P2RX6: variants seen among roughly 807,000 people sequenced by gnomAD.
P2RX6 encodes the protein purinergic receptor P2X 6.
In P2RX6, 62 loss-of-function variants were observed where a neutral mutation model predicts 54.2. The ratio of observed to expected loss-of-function variants is 1.14; its 90% CI spans 0.93 to 1.41. P2RX6 has a LOEUF of 1.41. Among genes scored for constraint, P2RX6 ranks in the 40% most tolerant of loss-of-function variants. The probability of loss-of-function intolerance (pLI) is 0.00; values close to 1 mark genes in which losing one functional copy is unlikely to be tolerated. For missense variants in P2RX6, 541 were observed against 566.3 expected (o/e 0.96, Z 0.45); for synonymous variants, 211 against 231.9 (o/e 0.91, Z 0.82).
intron 3 of P2RX6, among the ~76,000 whole-genome samples, chr22:21,021,938 C>T (rs1402443682): frequency 6.6e-6 from 1 of 152,182 alleles, no homozygotes; most frequent in East Asian, 1.9e-4. Context: ...TGATCTTTGT[C>T]AGCTATGTCC....
At chr22:21,021,452 G>A (rs541984125) in intron 3 of P2RX6, among the ~76,000 whole-genome samples, 5 of 152,138 alleles carry the variant, frequency 3.3e-5, no homozygotes, top group African/African-American at 1.2e-4. Context: ...TGGAGGAGAC[G>A]GTAGCCCAGC....
At chr22:21,016,537 C>T (rs541223926) in intron 2 of P2RX6, among the ~76,000 whole-genome samples, 2 of 147,922 alleles carry the variant, frequency 1.4e-5, no homozygotes, top group South Asian at 2.1e-4. Flanking sequence ...TGCAGTGAGC[C>T]GAGATTGCAC....
chr22:21,012,495 G>GCCTGCCCA (rs1925794153), upstream of P2RX6: 2 of 541,510 alleles, frequency 3.7e-6, no homozygotes, highest in African/African-American at 1.9e-5. Context: ...GAGGACTCAC[G>GCCTGCCCA]CCTGCCCACC....
At chr22:21,020,797 G>A (rs1173924497) in intron 3 of P2RX6, among the ~76,000 whole-genome samples, 1 of 151,784 alleles carries the variant, frequency 6.6e-6, no homozygotes, top group Non-Finnish European at 1.5e-5. Context: ...TTGCTGTGTC[G>A]GCCAGGCTGG....
chr22:21,025,699 TG>T, intron 8 of P2RX6, 105 bp from the exon 9 acceptor site: 1 of 770,626 alleles, frequency 1.3e-6, no homozygotes, highest in Non-Finnish European at 2.2e-6. Flanking sequence ...AGGCTTGGGC[TG>T]GGGGTTTATA....
At position 21,023,432 on chromosome 22, in the gene P2RX6, G is replaced by A; in HGVS notation, c.780+16G>A. On this transcript the variant is annotated intron_variant, in intron 7 of 11. Transcript: ENST00000413302. ...GGCGTTGCTGGTGGGTCCCAAGTTGGGGGCAGGGTTCCTAGAGGGCTCTGG... is the reference window on the plus strand; with the variant it reads ...GGCGTTGCTGGTGGGTCCCAAGTTGAGGGCAGGGTTCCTAGAGGGCTCTGG... 1 of 1,613,992 alleles carries A rather than the reference G, an allele frequency of 6.2e-7. No individual in the cohort carries two copies. Among genetic ancestry groups the A allele is most frequent in the South Asian group, 1.1e-5 (1 of 91,084 alleles).
intron 3 of P2RX6, among the ~76,000 whole-genome samples, chr22:21,019,543 G>A (rs1255534230): frequency 6.6e-6 from 1 of 152,080 alleles, no homozygotes; most frequent in Non-Finnish European, 1.5e-5. Flanking sequence ...CGAACTCCTG[G>A]CCTCAGGTGA....
At chr22:21,024,069 C>T (rs1927964979) in intron 8 of P2RX6, among the ~76,000 whole-genome samples, 1 of 151,670 alleles carries the variant, frequency 6.6e-6, no homozygotes, top group Non-Finnish European at 1.5e-5. Flanking sequence ...GATTCTCCTT[C>T]CTCAGCCTCC....
Position 21,026,554 on chromosome 22 carries a change from G to A in P2RX6, c.1263G>A (p.Gln421=). The part of the protein sequence containing the change: ...PTATAAGSQT[Q]TPGWPCPSSD... ...CCACTGCTGCTGGGAGTCAGACACAGACACCAGGATGGCCCTGTCCAAGTT... is the reference window on the plus strand; with the variant it reads ...CCACTGCTGCTGGGAGTCAGACACAAACACCAGGATGGCCCTGTCCAAGTT... The change falls in exon 12 of 12, where the codon CAG becomes CAA. Residue 421 remains glutamine, a synonymous_variant. Transcript: ENST00000413302. The surrounding 1 kb of genome is among the most constrained non-coding windows in gnomAD (Gnocchi z 4.0). The A allele has an allele frequency of 6.3e-7, 1 of 1,591,720 alleles. No individual in the cohort carries two copies. The highest frequency in any genetic ancestry group is 8.5e-7 in the Non-Finnish European group (1 of 1,170,044).
upstream of P2RX6, chr22:21,011,417 C>T (rs550183722): frequency 3.0e-4 from 202 of 679,230 alleles, 1 homozygote; most frequent in East Asian, 5.1e-3. Context: ...TAGCTCAGGT[C>T]CAGGGACTTC....
intron 8 of P2RX6, among the ~76,000 whole-genome samples, chr22:21,025,392 C>T (rs902338510): frequency 6.6e-6 from 1 of 152,086 alleles, no homozygotes; most frequent in African/African-American, 2.4e-5. Context: ...GGGGCTGGCT[C>T]CCACCCACAT....
chr22:21,011,514 G>A (rs1252272671), upstream of P2RX6: 5 of 713,836 alleles, frequency 7.0e-6, no homozygotes, highest in African/African-American at 8.8e-5. Flanking sequence ...TCTTCCGCAT[G>A]GCCTGGTTCA....
intron 8 of P2RX6, 40 bp from the exon 9 acceptor site, chr22:21,025,765 G>T: frequency 6.0e-6 from 9 of 1,488,498 alleles, no homozygotes; most frequent in Non-Finnish European, 8.2e-6. Flanking sequence ...ACCTGGGGGT[G>T]GGCAAAGCAG....
chr22:21,021,799 G>C (rs947166408), intron 3 of P2RX6, among the ~76,000 whole-genome samples: 1 of 152,228 alleles, frequency 6.6e-6, no homozygotes, highest in African/African-American at 2.4e-5. Context: ...GAGCCCCATA[G>C]TCCTATGCCT....
At chr22:21,018,154 G>A (rs1169856859) in intron 3 of P2RX6, 94 bp downstream of exon 3, 5 of 811,458 alleles carry the variant, frequency 6.2e-6, no homozygotes, top group Middle Eastern at 4.4e-4. Flanking sequence ...CCAGGTGGCT[G>A]AAGGCTCAGC....
chr22:21,026,180 G>C lies in P2RX6; in HGVS notation c.1051-72G>C, dbSNP rs1401729527. 2.0e-6 allele frequency: 3 copies of C among 1,528,332 alleles called. No individual in the cohort carries two copies. In the African/African-American group the frequency reaches 4.1e-5, roughly 21 times the overall value. 94.7% of individuals were successfully genotyped at this position (1,528,332 alleles called of 1,614,324 possible). A position where few individuals can be genotyped will look rare whatever the true frequency, so the allele number is the denominator to read the frequency against. On this transcript the variant is annotated intron_variant, in intron 10 of 11. Coordinates refer to ENST00000413302, the MANE Select transcript of P2RX6 (RefSeq NM_005446.5). This position sits in a 1 kb window ranked among gnomAD's most constrained non-coding sequence, Gnocchi z 4.0. ...TCCGGTGCCTGCACATTGAGTCTCGGGGTGCAGGCTGGGGAGGTGGCAGGA... is the reference window on the plus strand; with the variant it reads ...TCCGGTGCCTGCACATTGAGTCTCGCGGTGCAGGCTGGGGAGGTGGCAGGA...
chr22:21,025,818 T>C lies in P2RX6; in HGVS notation c.904T>C (p.Trp302Arg), dbSNP rs953129151. 6.4e-7 allele frequency: 1 copy of C among 1,560,532 alleles called. No homozygotes were observed. The highest frequency in any genetic ancestry group is 1.2e-5 in the South Asian group (1 of 84,526). Reference sequence around the variant, plus strand: ...TCCTGCCCACAGGACAGCCACTCACTGGTGGGAGCAACCGGGTGTGGAGGC... The same window carrying C: ...TCCTGCCCACAGGACAGCCACTCACCGGTGGGAGCAACCGGGTGTGGAGGC... ...KSYNFRTATH[W>R]WEQPGVEART... is the part of the protein sequence containing the mutation. Residue 302 changes from tryptophan (W) to arginine (R), a missense_variant, in exon 9 of 12, where the codon TGG becomes CGG. By Grantham distance (101) the Trp-to-Arg change is moderately radical. Coordinates refer to ENST00000413302, the MANE Select transcript of P2RX6 (RefSeq NM_005446.5).
intron 4 of P2RX6, 31 bp from the exon 5 acceptor site, chr22:21,022,911 G>C: frequency 2.5e-6 from 4 of 1,591,822 alleles, no homozygotes; most frequent in Non-Finnish European, 3.4e-6. Flanking sequence ...GCAGAGATTT[G>C]AAGGTCTGGA....
intron 2 of P2RX6, 26 bp downstream of exon 2, chr22:21,016,118 G>C: frequency 6.4e-7 from 1 of 1,552,182 alleles, no homozygotes; most frequent in South Asian, 1.2e-5. Flanking sequence ...TTGCTGACGG[G>C]GGCGCAAGTC....
Sources: gnomAD v4.1 joint callset for allele counts (sites outside exome capture counted in the v4.1 genomes callset) on GRCh38, gnomAD v4.1.1 for gene constraint, Gnocchi (gnomAD v3.1) non-coding constraint, MANE v1.5 for transcripts, NCBI Gene and HGNC (gene_info 2026-07-23, HGNC 2026-07-21) for gene names.